Variants in ZNF185 observed in about 807,000 individuals in gnomAD.
ZNF185 encodes zinc finger protein 185 with LIM domain.
In ZNF185, 56 loss-of-function variants were observed where a neutral mutation model predicts 58.6. The ratio of observed to expected loss-of-function variants is 0.95; its 90% CI spans 0.77 to 1.19. The LOEUF (loss-of-function observed/expected upper bound fraction) is 1.19. Among genes scored for constraint, ZNF185 ranks in the 50% most tolerant of loss-of-function variants. ZNF185 has a pLI of 0.00. For missense variants in ZNF185, 627 were observed against 573.5 expected, an observed-to-expected ratio of 1.09 and a Z score of -0.95; for synonymous variants, 230 against 215.9, an observed-to-expected ratio of 1.07 and a Z score of -0.57.
intron 15 of ZNF185, among the ~76,000 whole-genome samples, chrX:152,938,898 AT>A (rs1569506373): frequency 3.5e-5 from 3 of 85,320 alleles, no homozygotes; most frequent in African/African-American, 5.6e-5. Context: ...AACTCAGGCG[AT>A]CTCCTCTAAA....
intron 5 of ZNF185, among the ~76,000 whole-genome samples, chrX:152,917,632 G>A (rs1938776725): frequency 8.9e-6 from 1 of 112,379 alleles, no homozygotes; most frequent in African/African-American, 3.2e-5. Context: ...GTCCTGACTA[G>A]GCCTGGCTAA....
intron 15 of ZNF185, chrX:152,941,781 C>G (rs1455266146): frequency 3.4e-6 from 4 of 1,163,220 alleles, no homozygotes; most frequent in Non-Finnish European, 4.6e-6. Context: ...CGCCAGAGGT[C>G]GCCCGAGGAT....
chrX:152,939,045 G>A (rs1284883142), intron 15 of ZNF185, among the ~76,000 whole-genome samples: 1 of 111,874 alleles, frequency 8.9e-6, no homozygotes, highest in African/African-American at 3.3e-5. Flanking sequence ...GGCCAGTGAG[G>A]AGGGCCACAG....
rs2049379505 is a variant in ZNF185 at position 152,960,787 on chromosome X, A to G, written c.1607+891A>G. Among the ~76,000 whole-genome samples, 3 of 112,613 alleles carry G rather than the reference A, an allele frequency of 2.7e-5. No individual in the cohort carries two copies. In the Admixed American group the frequency reaches 2.8e-4, roughly 11 times the overall value. ...AAACTGGAGTTGTTGAACTGGAAACAGTGTGGTCTCAGGAAGTGCTTCACA... is the reference window on the plus strand; with the variant it reads ...AAACTGGAGTTGTTGAACTGGAAACGGTGTGGTCTCAGGAAGTGCTTCACA... On this transcript the variant is annotated intron_variant, in intron 17 of 22. Transcript: ENST00000449285.
At chrX:152,942,602 G>C (rs2125720473) in intron 15 of ZNF185, among the ~76,000 whole-genome samples, 1 of 112,505 alleles carries the variant, frequency 8.9e-6, no homozygotes, top group South Asian at 3.6e-4. Context: ...TTATTGGTTT[G>C]ATTTCATTTG....
rs974095573 is a variant in ZNF185 at position 152,938,737 on chromosome X, C to T, written c.1211+574C>T. Among the ~76,000 whole-genome samples, 3 of 111,103 alleles carry T rather than the reference C, an allele frequency of 2.7e-5. 1 individual carries two copies. The highest frequency in any genetic ancestry group is 9.9e-5 in the African/African-American group (3 of 30,281). On this transcript the variant is annotated intron_variant, in intron 15 of 22. Coordinates refer to ENST00000449285, the Ensembl canonical transcript of ZNF185. ...TCATACGGTTCTCCTCACAGTCTCT[C>T]AAAGGTTTATGCCTAATTACAACAA...
At chrX:152,911,055 T>A (rs1372665867), upstream of ZNF185, among the ~76,000 whole-genome samples, 7 of 111,538 alleles carry the variant, frequency 6.3e-5, no homozygotes, top group African/African-American at 2.3e-4. Flanking sequence ...CTGGGCTTGG[T>A]CCTTGCTGAG....
rs1569514784 is a variant in ZNF185 at position 152,958,743 on chromosome X, A to AG, written c.1410-956_1410-955insG. On this transcript the variant is annotated intron_variant, in intron 16 of 22. Transcript: ENST00000449285. ...CGAAACTCCGTCTCAAAAAAAAAAA[A>AG]AGGGGGGCAGGGGATGAAAATGCTA... Among the ~76,000 whole-genome samples the AG allele has an allele frequency of 7.6e-3, 826 of 109,372 alleles. 7 individuals are homozygous for AG. Among genetic ancestry groups the AG allele is most frequent in the African/African-American group, 0.026 (757 of 28,779 alleles). 95.0% of individuals were successfully genotyped at this position (109,372 alleles called of 115,157 possible).
At chrX:152,955,339 T>A (rs1292307454) in intron 16 of ZNF185, among the ~76,000 whole-genome samples, 2 of 112,189 alleles carry the variant, frequency 1.8e-5, no homozygotes, top group East Asian at 5.6e-4. Flanking sequence ...AATGTACTTA[T>A]ATGGTCTTGA....
the ZNF185 span, among the ~76,000 whole-genome samples, chrX:152,907,381 G>A: frequency 1.8e-5 from 2 of 113,044 alleles, no homozygotes; most frequent in African/African-American, 6.4e-5. Flanking sequence ...CAGGGCCAGG[G>A]GCCCCTTCCT....
intron 17 of ZNF185, among the ~76,000 whole-genome samples, chrX:152,960,506 G>C (rs1475689778): frequency 1.8e-5 from 2 of 112,346 alleles, no homozygotes; most frequent in Non-Finnish European, 3.8e-5. Context: ...GTGCTTTTCT[G>C]TGAGCAGCTC....
chrX:152,956,509 C>T (rs1384776536), intron 16 of ZNF185, among the ~76,000 whole-genome samples: 2 of 111,913 alleles, frequency 1.8e-5, no homozygotes, highest in African/African-American at 6.5e-5. Context: ...GAGGCCGAGG[C>T]AGGCGGATAA....
chrX:152,957,805 A>G (rs185336036), intron 16 of ZNF185, among the ~76,000 whole-genome samples: 2 of 113,060 alleles, frequency 1.8e-5, no homozygotes, highest in African/African-American at 6.4e-5. Context: ...CAGATTGACT[A>G]CAGCTTAAGA....
At chrX:152,914,335 C>T (rs1937896167), upstream of ZNF185, 11 of 499,092 alleles carry the variant, frequency 2.2e-5, no homozygotes, top group South Asian at 2.1e-4. Context: ...TTGCCACCCC[C>T]GATGTGCAGA....
intron 21 of ZNF185, among the ~76,000 whole-genome samples, chrX:152,970,091 A>C (rs1390702907): frequency 1.8e-5 from 2 of 110,933 alleles, no homozygotes; most frequent in Admixed American, 1.9e-4. Context: ...AAGTGCTGCA[A>C]TGCAGAACAT....
chrX:152,912,546 A>G (rs1937545785), upstream of ZNF185, among the ~76,000 whole-genome samples: 1 of 111,657 alleles, frequency 9.0e-6, no homozygotes, highest in South Asian at 3.7e-4. Context: ...GAAACTGTGG[A>G]TGACCGTCAC....
exon 1 of ZNF185, chrX:152,914,519 C>A: frequency 5.1e-6 from 6 of 1,181,073 alleles, no homozygotes; most frequent in Non-Finnish European, 6.8e-6. Context: ...GAGGCCGCAC[C>A]AAAGGTGAGG....
At chrX:152,943,715 C>CTT (rs2047494561) in intron 15 of ZNF185, among the ~76,000 whole-genome samples, 2 of 113,022 alleles carry the variant, frequency 1.8e-5, no homozygotes, top group Admixed American at 9.3e-5. Context: ...CCAAATTTCT[C>CTT]TTTGTGGATA....
chrX:152,927,054 G>T (rs1309359806), intron 11 of ZNF185, among the ~76,000 whole-genome samples: 3 of 112,264 alleles, frequency 2.7e-5, no homozygotes, highest in Non-Finnish European at 5.6e-5. Context: ...ACTGGAGCAG[G>T]CTGGGGTGAC....
Sources: allele counts gnomAD v4.1 joint callset (sites outside exome capture counted in the v4.1 genomes callset), GRCh38; gene constraint gnomAD v4.1.1; transcripts MANE v1.5; gene names NCBI Gene and HGNC (gene_info 2026-07-23, HGNC 2026-07-21).